Variants in KATNAL2 observed in about 807,000 individuals in gnomAD.
KATNAL2 encodes the protein katanin catalytic subunit A1 like 2.
KATNAL2 carries 52 observed loss-of-function variants against 76.3 expected under a neutral mutation model. The ratio of observed to expected loss-of-function variants is 0.68; its 90% CI spans 0.55 to 0.86. KATNAL2 has a LOEUF of 0.86. Ranked by LOEUF, KATNAL2 falls within the 40% of genes least tolerant of loss-of-function variation. KATNAL2 has a pLI of 0.00. For synonymous variants in KATNAL2, 243 were observed against 244.2 expected, an observed-to-expected ratio of 1.00 and a Z score of 0.05; for missense variants, 660 against 668.9, an observed-to-expected ratio of 0.99 and a Z score of 0.15.
chr18:47,062,986 C>G lies in KATNAL2; in HGVS notation c.564C>G (p.Asp188Glu). The change falls in exon 9 of 18, where the codon GAC becomes GAG. Residue 188 changes from aspartate (D) to glutamate (E), a missense_variant. Transcript: ENST00000683218. ...NAHPRRGQII[D>E]FQGLLTDAIK... ...CTCCCTTTCAGGGCCAAATCATTGA[C>G]TTCCAAGGGCTGCTCACAGATGCCA... 1.2e-6 allele frequency: 2 copies of G among 1,614,006 alleles called. No individual in the cohort carries two copies. Among genetic ancestry groups the G allele is most frequent in the Non-Finnish European group, 1.7e-6 (2 of 1,179,918 alleles).
At chr18:46,937,111 G>A (rs920514640) in intron 1 of KATNAL2, among the ~76,000 whole-genome samples, 1 of 152,124 alleles carries the variant, frequency 6.6e-6, no homozygotes, top group Non-Finnish European at 1.5e-5. Flanking sequence ...TCACTTTCCA[G>A]GTTCTGATGA....
At chr18:47,076,140 A>C (rs1269764369) in intron 14 of KATNAL2, 2 of 152,220 alleles carry the variant, frequency 1.3e-5, no homozygotes, top group African/African-American at 2.4e-5. Flanking sequence ...CCTTTAATGG[A>C]CTATCATCAA....
intron 1 of KATNAL2, among the ~76,000 whole-genome samples, chr18:46,922,099 C>T (rs1434826166): frequency 6.7e-6 from 1 of 150,082 alleles, no homozygotes; most frequent in Non-Finnish European, 1.5e-5. Flanking sequence ...AATTTTTCCT[C>T]ACTTTTTTTT....
chr18:47,066,409 G>C (rs2061793770), intron 10 of KATNAL2, among the ~76,000 whole-genome samples: 1 of 152,188 alleles, frequency 6.6e-6, no homozygotes, highest in Admixed American at 6.5e-5. Context: ...TATAAGAGGA[G>C]AAAAACTGCA....
rs1437886279 is a variant in KATNAL2 at position 46,933,358 on chromosome 18, G to A, written c.-509-12699G>A. On this transcript the variant is annotated intron_variant, in intron 1 of 17. Coordinates refer to ENST00000683218, the MANE Select transcript of KATNAL2 (RefSeq NM_001387690.1). The stretch of plus-strand genomic sequence containing the variant: ...GTTGTGATTTTTGCAAGATTATGGG[G>A]CAAGAGAAAAAGAAATCTAAATCTA... Among the ~76,000 whole-genome samples the A allele has an allele frequency of 2.6e-5, 4 of 152,184 alleles. No homozygotes were observed. The East Asian group carries it at 7.7e-4, about 29-fold the overall frequency.
intron 3 of KATNAL2, chr18:47,033,258 A>G (rs746022906): frequency 1.2e-6 from 2 of 1,613,380 alleles, no homozygotes; most frequent in South Asian, 1.1e-5. Flanking sequence ...TGATCTCCCC[A>G]TTTTCGGGGT....
intron 3 of KATNAL2, among the ~76,000 whole-genome samples, chr18:47,043,048 A>C (rs1268696939): frequency 6.6e-6 from 1 of 152,046 alleles, no homozygotes; most frequent in African/African-American, 2.4e-5. Flanking sequence ...TAATACGGTG[A>C]AACCCCGTCT....
chr18:46,951,458 A>T (rs2059552681), intron 3 of KATNAL2, among the ~76,000 whole-genome samples: 2 of 136,594 alleles, frequency 1.5e-5, no homozygotes. Context: ...GATCTCTGAG[A>T]TTCTCCTGCT....
rs189605823 is a variant in KATNAL2, at chr18:46,946,183, G to A, written c.-383G>A. ...AGGATTCACAGCAAGAGAGACAGAA[G>A]GGAAAGACATTGAAGAAACAGACTA... On this transcript the variant is annotated 5_prime_UTR_variant, in exon 2 of 18. Coordinates refer to ENST00000683218, the MANE Select transcript of KATNAL2 (RefSeq NM_001387690.1). 3.0e-6 allele frequency: 3 copies of A among 1,010,322 alleles called. No individual in the cohort carries two copies. Among genetic ancestry groups the A allele is most frequent in the African/African-American group, 1.7e-5 (1 of 57,660 alleles). The allele number at this position is 1,010,322 out of a possible 1,614,324, so 62.6% of individuals were successfully genotyped here. A position where few individuals can be genotyped will look rare whatever the true frequency, so the allele number is the denominator to read the frequency against.
intron 10 of KATNAL2, among the ~76,000 whole-genome samples, chr18:47,065,768 G>A (rs1398686709): frequency 6.6e-6 from 1 of 152,054 alleles, no homozygotes; most frequent in East Asian, 1.9e-4. Context: ...AGGATCACTT[G>A]TGTCCAGGAG....
At chr18:47,042,956 G>C (rs1054503781) in intron 3 of KATNAL2, among the ~76,000 whole-genome samples, 1 of 152,114 alleles carries the variant, frequency 6.6e-6, no homozygotes, top group Non-Finnish European at 1.5e-5. Context: ...GGCTGGGCGC[G>C]GTGGCTCACG....
At chr18:47,072,801 TC>T (rs1569115166) in intron 13 of KATNAL2, among the ~76,000 whole-genome samples, 1 of 152,184 alleles carries the variant, frequency 6.6e-6, no homozygotes, top group South Asian at 2.1e-4. Flanking sequence ...ACCTGGCTTT[TC>T]CCCCAACTTA....
intron 3 of KATNAL2, among the ~76,000 whole-genome samples, chr18:46,958,357 A>C (rs2059827033): frequency 6.6e-6 from 1 of 152,140 alleles, no homozygotes; most frequent in South Asian, 2.1e-4. Flanking sequence ...AATCCTTATA[A>C]TTATAAATTC....
At chr18:46,921,875 T>A (rs1183255118) in intron 1 of KATNAL2, among the ~76,000 whole-genome samples, 1 of 152,138 alleles carries the variant, frequency 6.6e-6, no homozygotes, top group Non-Finnish European at 1.5e-5. Context: ...TTACTGATTT[T>A]AATATCTCTC....
Position 47,025,099 on chromosome 18 carries a change from C to A in KATNAL2, c.52-21358C>A, listed in dbSNP as rs1454359564. Among the ~76,000 whole-genome samples the A allele has an allele frequency of 6.2e-5, 3 of 48,504 alleles. No homozygotes were observed. In the East Asian group the frequency reaches 2.1e-3, roughly 34 times the overall value. The allele number at this position is 48,504 out of a possible 152,430, so 31.8% of individuals were successfully genotyped here. A position where few individuals can be genotyped will look rare whatever the true frequency, so the allele number is the denominator to read the frequency against. ...ACCAGCAGAATCCCTCTAGCATCTC[C>A]CCCCCCCACCCCGCCCCCAACGGTG... On this transcript the variant is annotated intron_variant, in intron 3 of 17. Transcript: ENST00000683218.
intron 4 of KATNAL2, among the ~76,000 whole-genome samples, chr18:47,047,958 C>T (rs1279527782): frequency 6.6e-6 from 1 of 152,174 alleles, no homozygotes; most frequent in East Asian, 1.9e-4. Flanking sequence ...CCTCCTGCCT[C>T]AACCTCCCAG....
intron 1 of KATNAL2, among the ~76,000 whole-genome samples, chr18:46,944,740 A>T (rs1254147073): frequency 6.6e-6 from 1 of 152,056 alleles, no homozygotes; most frequent in Non-Finnish European, 1.5e-5. Context: ...GTCTCAAAAT[A>T]AATAAATAAA....
intron 1 of KATNAL2, among the ~76,000 whole-genome samples, chr18:46,944,120 A>G (rs971220628): frequency 6.6e-6 from 1 of 152,212 alleles, no homozygotes; most frequent in African/African-American, 2.4e-5. Context: ...CCAGAGGAAG[A>G]AGCTCTTTGA....
chr18:46,957,400 G>A (rs1192696301), intron 3 of KATNAL2, among the ~76,000 whole-genome samples: 3 of 149,082 alleles, frequency 2.0e-5, no homozygotes, highest in African/African-American at 4.9e-5. Context: ...GACTACAGGC[G>A]CCCGCCACCT....
Sources: gnomAD v4.1 joint callset for allele counts (sites outside exome capture counted in the v4.1 genomes callset) on GRCh38, gnomAD v4.1.1 for gene constraint, MANE v1.5 for transcripts, NCBI Gene and HGNC (gene_info 2026-07-23, HGNC 2026-07-21) for gene names.